The following EBF2 variants were observed in gnomAD, a reference collection of about 807,000 sequenced individuals.
EBF2 encodes the protein EBF transcription factor 2.
Under a neutral mutation model 72.8 loss-of-function variants are expected in EBF2, and 21 were observed. That is an observed-to-expected ratio of 0.29 (90% CI 0.20 to 0.42). The LOEUF (loss-of-function observed/expected upper bound fraction) is 0.42. Among genes scored for constraint, EBF2 ranks in the 10% least tolerant of loss-of-function variants. The pLI, the probability that EBF2 is intolerant of heterozygous loss-of-function variation, is 1.00. For synonymous variants in EBF2, 299 were observed against 274.2 expected, an observed-to-expected ratio of 1.09 and a Z score of -0.89; for missense variants, 637 against 731.2, an observed-to-expected ratio of 0.87 and a Z score of 1.49.
At chr8:25,877,255 C>G (rs1003489500) in intron 10 of EBF2, among the ~76,000 whole-genome samples, 5 of 152,148 alleles carry the variant, frequency 3.3e-5, no homozygotes, top group Non-Finnish European at 5.9e-5. Flanking sequence ...GTTGGGTGCC[C>G]CTACTAGGAT....
chr8:25,858,472 G>T lies in EBF2; in HGVS notation c.1375C>A (p.Arg459=). ...YIRNTSSISP[R]GYSSSSTPQQ... ...GGCGTGGAGCTGGAAGAGTATCCCC[G>T]CGGAGAGATGCTGCTTGTGTTGCGG... The change falls in exon 14 of 16, where the codon CGG becomes AGG. Residue 459 remains arginine (R), a synonymous_variant. Transcript: ENST00000520164. 2 of 1,613,850 alleles carry T rather than the reference G, an allele frequency of 1.2e-6. No homozygotes were observed. The highest frequency in any genetic ancestry group is 1.7e-6 in the Non-Finnish European group (2 of 1,179,954).
chr8:25,990,532 A>G (rs987198867), intron 6 of EBF2, among the ~76,000 whole-genome samples: 5 of 152,130 alleles, frequency 3.3e-5, no homozygotes, highest in Non-Finnish European at 5.9e-5. Flanking sequence ...TCTTATCCCA[A>G]CAAAATCTAC....
chr8:25,893,241 G>A (rs1392521542), intron 7 of EBF2, among the ~76,000 whole-genome samples: 3 of 150,814 alleles, frequency 2.0e-5, no homozygotes, highest in South Asian at 2.1e-4. Context: ...CAGAAAACAA[G>A]GAGAGGGTGC....
At chr8:26,042,375 C>T (rs1315172851) in intron 1 of EBF2, 124 bp from the exon 2 acceptor site, 3 of 1,216,846 alleles carry the variant, frequency 2.5e-6, no homozygotes, top group East Asian at 2.6e-5. Flanking sequence ...GTTCTGAACC[C>T]TTCGGGCCTT....
At chr8:26,025,487 C>A (rs1805289288) in intron 6 of EBF2, among the ~76,000 whole-genome samples, 1 of 152,088 alleles carries the variant, frequency 6.6e-6, no homozygotes, top group South Asian at 2.1e-4. Flanking sequence ...TGCATCAAAT[C>A]CTAAAACTCC....
At chr8:25,956,656 A>G (rs1392700728) in intron 6 of EBF2, among the ~76,000 whole-genome samples, 1 of 152,220 alleles carries the variant, frequency 6.6e-6, no homozygotes, top group Non-Finnish European at 1.5e-5. Flanking sequence ...ACTCCCATTT[A>G]TAAGTGAGAA....
Position 25,907,411 on chromosome 8 carries a change from C to A in EBF2, c.633+1063G>T, listed in dbSNP as rs575075537. 2.4e-4 allele frequency among the ~76,000 whole-genome samples: 24 copies of A among 98,122 alleles called. No homozygotes were observed. The Admixed American group carries it at 3.1e-3, about 13-fold the overall frequency. 64.4% of individuals were successfully genotyped at this position (98,122 alleles called of 152,430 possible). On this transcript the variant is annotated intron_variant, in intron 7 of 15. Transcript: ENST00000520164. ...CTCCAGCCTAGGTGACAGAGTGAGA[C>A]CCTGCCTCAAAAAAAAAAAAAAAAA...
chr8:25,931,609 A>C (rs1803481684), intron 6 of EBF2, among the ~76,000 whole-genome samples: 1 of 152,240 alleles, frequency 6.6e-6, no homozygotes, highest in African/African-American at 2.4e-5. Context: ...CATTCCTTCC[A>C]ATTTAAAAAC....
At chr8:25,892,968 A>G (rs1040770347) in intron 7 of EBF2, among the ~76,000 whole-genome samples, 2 of 152,224 alleles carry the variant, frequency 1.3e-5, no homozygotes, top group Non-Finnish European at 2.9e-5. Context: ...ATAGTGGCAA[A>G]CATTAAGATG....
intron 6 of EBF2, among the ~76,000 whole-genome samples, chr8:26,012,644 G>A (rs1035818789): frequency 2.0e-5 from 3 of 152,206 alleles, no homozygotes; most frequent in Non-Finnish European, 4.4e-5. Flanking sequence ...CTAATGGACA[G>A]AGTTACCATT....
intron 6 of EBF2, among the ~76,000 whole-genome samples, chr8:26,010,076 C>T (rs982872830): frequency 1.3e-5 from 2 of 152,236 alleles, no homozygotes; most frequent in Admixed American, 6.5e-5. Flanking sequence ...CACATCAGAA[C>T]GGAAAGTCGG....
chr8:25,993,625 G>A (rs1268672366), intron 6 of EBF2, among the ~76,000 whole-genome samples: 3 of 152,068 alleles, frequency 2.0e-5, no homozygotes. Flanking sequence ...CATTCTTCAC[G>A]CAGCAACCGG....
Position 25,888,041 on chromosome 8 carries a change from C to T in EBF2, c.752-69G>A, listed in dbSNP as rs1481450412. On this transcript the variant is annotated intron_variant, in intron 8 of 15. Transcript: ENST00000520164. The stretch of plus-strand genomic sequence containing the variant: ...GTGTCCAACTTTTTGGCTTCCCAGG[C>T]CCACATTGGAAGAAGAATTGTCTTG... 3 of 1,500,962 alleles carry T rather than the reference C, an allele frequency of 2.0e-6. No individual in the cohort carries two copies. The African/African-American group carries it at 4.2e-5, about 21-fold the overall frequency. The allele number at this position is 1,500,962 out of a possible 1,614,324, so 93.0% of individuals were successfully genotyped here. A position where few individuals can be genotyped will look rare whatever the true frequency, so the allele number is the denominator to read the frequency against.
intron 6 of EBF2, among the ~76,000 whole-genome samples, chr8:25,925,701 T>C (rs1262530035): frequency 2.0e-5 from 3 of 152,196 alleles, no homozygotes; most frequent in South Asian, 2.1e-4. Context: ...CTCTGGACAG[T>C]CTTCTTCGGA....
chr8:25,946,786 G>A (rs2117163791), intron 6 of EBF2, among the ~76,000 whole-genome samples: 1 of 152,142 alleles, frequency 6.6e-6, no homozygotes, highest in South Asian at 2.1e-4. Context: ...CTTTGTTCAG[G>A]CCTCCATCAT....
At chr8:25,940,986 G>C (rs918914483) in intron 6 of EBF2, among the ~76,000 whole-genome samples, 1 of 152,072 alleles carries the variant, frequency 6.6e-6, no homozygotes, top group Non-Finnish European at 1.5e-5. Context: ...CTTCATCCTA[G>C]AGGAAATATT....
rs1392512084 is a variant in EBF2 at position 25,889,860 on chromosome 8, A to G, written c.643T>C (p.Ser215Pro). ...TGTCCATCCACATTCACCGTTGTTG[A>G]CAACACAACCTGCATATTTAAAGTA... ...RDMRRFQVVL[S>P]TTVNVDGHVL... The change falls in exon 8 of 16, where the codon TCA becomes CCA. Residue 215 changes from serine (S) to proline (P), a missense_variant. Ser to Pro is a moderately conservative substitution (Grantham distance 74). This residue lies in a region of EBF2 where 204 missense variants were observed against 301.2 expected (regional missense o/e 0.68). Coordinates refer to ENST00000520164, the MANE Select transcript of EBF2 (RefSeq NM_022659.4). 1 of 1,613,700 alleles carries G rather than the reference A, an allele frequency of 6.2e-7. No individual in the cohort carries two copies. Among genetic ancestry groups the G allele is most frequent in the East Asian group, 2.2e-5 (1 of 44,874 alleles).
At chr8:25,921,720 G>A (rs538032895) in intron 6 of EBF2, among the ~76,000 whole-genome samples, 1 of 152,032 alleles carries the variant, frequency 6.6e-6, no homozygotes, top group Admixed American at 6.5e-5. Flanking sequence ...GCTAACTCTG[G>A]TCATCTTGCA....
At chr8:25,862,684 C>T (rs773051987) in intron 11 of EBF2, 25 bp downstream of exon 11, 2 of 1,549,122 alleles carry the variant, frequency 1.3e-6, no homozygotes, top group East Asian at 2.3e-5. Context: ...AATGGCTTCA[C>T]ATGTCAATTT....
Sources: allele counts gnomAD v4.1 joint callset (sites outside exome capture counted in the v4.1 genomes callset), GRCh38; gene constraint gnomAD v4.1.1; regional missense constraint gnomAD v4.1.1; transcripts MANE v1.5; gene names NCBI Gene and HGNC (gene_info 2026-07-23, HGNC 2026-07-21).